Variants in RAB21 observed in about 807,000 individuals in gnomAD.
RAB21 encodes the protein ras-related protein Rab-21.
A neutral mutation model predicts 33.1 loss-of-function variants in RAB21; 13 were observed. That is an observed-to-expected ratio of 0.39 (90% CI 0.26 to 0.62). RAB21 has a LOEUF of 0.62. Ranked by LOEUF, RAB21 falls within the 20% of genes least tolerant of loss-of-function variation. RAB21 has a pLI of 0.48. For synonymous variants in RAB21, 91 were observed against 103.7 expected (o/e 0.88, Z 0.74); for missense variants, 234 against 279.1 (o/e 0.84, Z 1.15).
In RAB21 at chr12:71,795,067, A is replaced by G. The variant is rs1883450116; in HGVS notation, c.*9394A>G. 6.6e-6 allele frequency: 1 copy of G among 152,204 alleles called. No individual in the cohort carries two copies. The highest frequency in any genetic ancestry group is 2.4e-5 in the African/African-American group (1 of 41,454). 9.4% of individuals were successfully genotyped at this position (152,204 alleles called of 1,614,324 possible). A position where few individuals can be genotyped will look rare whatever the true frequency, so the allele number is the denominator to read the frequency against. On this transcript the variant is annotated 3_prime_UTR_variant, in exon 7 of 7. Coordinates refer to ENST00000261263, the MANE Select transcript of RAB21 (RefSeq NM_014999.4). Reference sequence around the variant, plus strand: ...TGAAAATTGGGGGGAATTTTCTTAAATATGGAACTAAGAGCTAAAGAGTTC... The same window carrying G: ...TGAAAATTGGGGGGAATTTTCTTAAGTATGGAACTAAGAGCTAAAGAGTTC...
chr12:71,779,706 T>C (rs1239777774), intron 4 of RAB21, among the ~76,000 whole-genome samples: 2 of 152,220 alleles, frequency 1.3e-5, no homozygotes, highest in Non-Finnish European at 2.9e-5. Flanking sequence ...GGTAGCTTTT[T>C]CCCTCCCTTT....
At position 71,761,394 on chromosome 12, in the gene RAB21, A is replaced by G. The variant is rs568632598; in HGVS notation, c.159+6106A>G. ...CCCTGTTTTTAAAAAATAAAAATAC[A>G]AGGGCCGGGCATGGTGGCTCACACC... On this transcript the variant is annotated intron_variant, in intron 1 of 6. Transcript: ENST00000261263. Among the ~76,000 whole-genome samples, 770 of 152,098 alleles carry G rather than the reference A, an allele frequency of 5.1e-3. 10 individuals carry two copies. Among genetic ancestry groups the G allele is most frequent in the African/African-American group, 0.018 (733 of 41,480 alleles).
At position 71,789,686 on chromosome 12, in the gene RAB21, T is replaced by G. The variant is rs955238117; in HGVS notation, c.*4013T>G. 2 of 152,140 alleles carry G rather than the reference T, an allele frequency of 1.3e-5. No homozygotes were observed. Among genetic ancestry groups the G allele is most frequent in the Non-Finnish European group, 2.9e-5 (2 of 67,980 alleles). 9.4% of individuals were successfully genotyped at this position (152,140 alleles called of 1,614,324 possible). ...AATTATAAAATGCATTACCTAGGCT[T>G]TAATAGTTAAAAGCTGGAATTTATT... On this transcript the variant is annotated 3_prime_UTR_variant, in exon 7 of 7. Transcript: ENST00000261263.
Position 71,779,831 on chromosome 12 carries a change from A to C in RAB21, c.392-2200A>C, listed in dbSNP as rs191191883. Among the ~76,000 whole-genome samples, 56 of 152,296 alleles carry C rather than the reference A, an allele frequency of 3.7e-4. No homozygotes were observed. In the East Asian group the frequency reaches 9.8e-3, roughly 27 times the overall value. On this transcript the variant is annotated intron_variant, in intron 4 of 6. Transcript: ENST00000261263. ...TTCAGGTGTTTTAAGCCTATCAGAA[A>C]GTTCCGTATGTAGCTGCACAGTAGT...
intron 6 of RAB21, among the ~76,000 whole-genome samples, chr12:71,783,125 C>A (rs1367194350): frequency 6.6e-6 from 1 of 151,872 alleles, no homozygotes; most frequent in African/African-American, 2.4e-5. Context: ...AAAAGGAGTT[C>A]TTATCTTTTA....
chr12:71,755,077 G>T lies in RAB21; in HGVS notation c.-53G>T. The stretch of plus-strand genomic sequence containing the variant: ...CCGTGGCTGTGAAGGCGCTGCCGCG[G>T]CTGTCGGGAGGGCGGCGCGACACTC... On this transcript the variant is annotated 5_prime_UTR_variant, in exon 1 of 7. Transcript: ENST00000261263. The T allele has an allele frequency of 9.5e-7, 1 of 1,049,050 alleles. No individual in the cohort carries two copies. The highest frequency in any genetic ancestry group is 1.1e-6 in the Non-Finnish European group (1 of 873,840). 65.0% of individuals were successfully genotyped at this position (1,049,050 alleles called of 1,614,324 possible).
At chr12:71,762,524 C>G (rs1392610184) in intron 1 of RAB21, among the ~76,000 whole-genome samples, 1 of 151,832 alleles carries the variant, frequency 6.6e-6, no homozygotes, top group African/African-American at 2.4e-5. Flanking sequence ...CCAGGATGGT[C>G]TCGATCTCCT....
In RAB21 at chr12:71,785,936, C is replaced by G. The variant is rs2137660708; in HGVS notation, c.*263C>G. ...TTTTTTTTTGAGACGGAGTCTCGCT[C>G]TGTCACCCAGGCTGGAGTGCACTGG... is the stretch of plus-strand genomic sequence containing the variant. On this transcript the variant is annotated 3_prime_UTR_variant, in exon 7 of 7. Coordinates refer to ENST00000261263, the MANE Select transcript of RAB21 (RefSeq NM_014999.4). 1 of 321,668 alleles carries G rather than the reference C, an allele frequency of 3.1e-6. No individual in the cohort carries two copies. Among genetic ancestry groups the G allele is most frequent in the African/African-American group, 2.3e-5 (1 of 43,206 alleles). The allele number at this position is 321,668 out of a possible 1,614,324, so 19.9% of individuals were successfully genotyped here. A position where few individuals can be genotyped will look rare whatever the true frequency, so the allele number is the denominator to read the frequency against.
At chr12:71,772,821 A>G (rs184053881) in intron 3 of RAB21, among the ~76,000 whole-genome samples, 12 of 152,280 alleles carry the variant, frequency 7.9e-5, no homozygotes, top group Admixed American at 7.2e-4. Flanking sequence ...TACTGAGAAA[A>G]CTGTCATTCA....
chr12:71,794,425 ATATTTTTTTTTTT>A lies in RAB21; in HGVS notation c.*8754_*8766del, dbSNP rs1338011240. 2 of 46,566 alleles carry A rather than the reference ATATTTTTTTTTTT, an allele frequency of 4.3e-5. No homozygotes were observed. Among genetic ancestry groups the A allele is most frequent in the Non-Finnish European group, 6.8e-5 (2 of 29,600 alleles). 2.9% of individuals were successfully genotyped at this position (46,566 alleles called of 1,614,324 possible). ...ATATATTATATATATATATATATAT[ATATTTTTTTTTTT>A]TTTTTTTTTTTTTTTTTTGAGACGG... On this transcript the variant is annotated 3_prime_UTR_variant, in exon 7 of 7. Transcript: ENST00000261263.
chr12:71,765,745 G>A (rs938893808), intron 1 of RAB21, among the ~76,000 whole-genome samples: 1 of 151,948 alleles, frequency 6.6e-6, no homozygotes, highest in Non-Finnish European at 1.5e-5. Flanking sequence ...ATGCTTTGTC[G>A]AAGATCAGGT....
At chr12:71,783,344 T>TTC (rs1883230315) in intron 6 of RAB21, among the ~76,000 whole-genome samples, 1 of 151,914 alleles carries the variant, frequency 6.6e-6, no homozygotes, top group Admixed American at 6.6e-5. Context: ...TGAAAATCAT[T>TTC]TCTTATATTA....
chr12:71,771,244 C>T (rs1416144278), intron 3 of RAB21, among the ~76,000 whole-genome samples: 1 of 152,198 alleles, frequency 6.6e-6, no homozygotes, highest in Non-Finnish European at 1.5e-5. Flanking sequence ...ACGTATGACT[C>T]TTAAAGTTGT....
intron 4 of RAB21, among the ~76,000 whole-genome samples, chr12:71,781,418 G>A (rs1475537468): frequency 2.0e-5 from 3 of 150,956 alleles, no homozygotes; most frequent in South Asian, 2.1e-4. Flanking sequence ...GCAGTGAGCC[G>A]AGATGGCGCC....
Position 71,755,100 on chromosome 12 carries a change from C to T in RAB21, c.-30C>T, listed in dbSNP as rs1006907485. ...CGGCTGTCGGGAGGGCGGCGCGACA[C>T]TCGGGCTCGGGCGGCCGGGAAGCGA... On this transcript the variant is annotated 5_prime_UTR_variant, in exon 1 of 7. Transcript: ENST00000261263. The T allele has an allele frequency of 9.0e-7, 1 of 1,112,192 alleles. No individual in the cohort carries two copies. The highest frequency in any genetic ancestry group is 1.1e-6 in the Non-Finnish European group (1 of 914,698). The allele number at this position is 1,112,192 out of a possible 1,614,324, so 68.9% of individuals were successfully genotyped here. A position where few individuals can be genotyped will look rare whatever the true frequency, so the allele number is the denominator to read the frequency against.
rs1297834430 is a variant in RAB21, at chr12:71,795,471, A to G, written c.*9798A>G. On this transcript the variant is annotated 3_prime_UTR_variant, in exon 7 of 7. Coordinates refer to ENST00000261263, the MANE Select transcript of RAB21 (RefSeq NM_014999.4). ...ATTAGGGAAGACTATGACTGTTTCT[A>G]TGACCTCTAGTCACAAATTTAACTA... 1 of 139,264 alleles carries G rather than the reference A, an allele frequency of 7.2e-6. No individual in the cohort carries two copies. The highest frequency in any genetic ancestry group is 1.5e-5 in the Non-Finnish European group (1 of 66,278). 8.6% of individuals were successfully genotyped at this position (139,264 alleles called of 1,614,324 possible). A position where few individuals can be genotyped will look rare whatever the true frequency, so the allele number is the denominator to read the frequency against.
At chr12:71,770,804 A>G in intron 3 of RAB21, 105 bp downstream of exon 3, 3 of 768,154 alleles carry the variant, frequency 3.9e-6, no homozygotes, top group Non-Finnish European at 4.1e-6. Flanking sequence ...TTTTAAAAAT[A>G]AAGTATATAA....
At chr12:71,782,121 C>G (rs1232169235) in intron 5 of RAB21, 36 bp downstream of exon 5, 1 of 1,554,090 alleles carries the variant, frequency 6.4e-7, no homozygotes, top group Non-Finnish European at 8.8e-7. Flanking sequence ...CCATCACTCC[C>G]TAGTAGAAAT....
At chr12:71,768,237 A>G (rs1432573143) in intron 1 of RAB21, among the ~76,000 whole-genome samples, 2 of 152,148 alleles carry the variant, frequency 1.3e-5, no homozygotes, top group Non-Finnish European at 2.9e-5. Context: ...CACTACATCC[A>G]GTGGCCTTTT....
Sources: gnomAD v4.1 joint callset for allele counts (sites outside exome capture counted in the v4.1 genomes callset) on GRCh38, gnomAD v4.1.1 for gene constraint, MANE v1.5 for transcripts, NCBI Gene and HGNC (gene_info 2026-07-23, HGNC 2026-07-21) for gene names.